Variants in SEPTIN14 observed in about 807,000 individuals in gnomAD.
The protein encoded by SEPTIN14 is septin-14.
SEPTIN14 carries 40 observed loss-of-function variants against 53.6 expected under a neutral mutation model. That is an observed-to-expected ratio of 0.75 (90% CI 0.58 to 0.97). SEPTIN14 has a LOEUF of 0.97. SEPTIN14 is among the 50% of genes least tolerant of loss of function. SEPTIN14 has a pLI of 0.00. For missense variants in SEPTIN14, 471 were observed against 508.2 expected, an observed-to-expected ratio of 0.93 and a Z score of 0.70; for synonymous variants, 138 against 166.8, an observed-to-expected ratio of 0.83 and a Z score of 1.33.
At chr7:55,847,796 CTAA>C (rs1562719176) in intron 2 of SEPTIN14, among the ~76,000 whole-genome samples, 2 of 152,170 alleles carry the variant, frequency 1.3e-5, no homozygotes, top group Non-Finnish European at 2.9e-5. Context: ...AAATCTACTA[CTAA>C]TAACACCATT....
At chr7:55,853,815 T>C (rs888505885) in intron 2 of SEPTIN14, among the ~76,000 whole-genome samples, 3 of 152,092 alleles carry the variant, frequency 2.0e-5, no homozygotes, top group African/African-American at 4.8e-5. Context: ...TATGTACCCA[T>C]AAAAATTAAA....
Position 55,839,162 on chromosome 7 carries a change from C to T in SEPTIN14, c.558+3780G>A, listed in dbSNP as rs370905457. Among the ~76,000 whole-genome samples the T allele has an allele frequency of 4.9e-4, 75 of 151,884 alleles. No homozygotes were observed. The East Asian group carries it at 0.013, about 26-fold the overall frequency. Reference sequence around the variant, plus strand: ...CAGCACTTTGGGAGGCTGAGGCAGGCGGATCACCTGAGGTTAGGAGTTTGA... The same window carrying T: ...CAGCACTTTGGGAGGCTGAGGCAGGTGGATCACCTGAGGTTAGGAGTTTGA... On this transcript the variant is annotated intron_variant, in intron 5 of 9. Transcript: ENST00000388975.
intron 6 of SEPTIN14, among the ~76,000 whole-genome samples, chr7:55,825,998 A>G (rs1562711998): frequency 6.6e-6 from 1 of 151,750 alleles, no homozygotes; most frequent in African/African-American, 2.4e-5. Flanking sequence ...GCTACTCAGG[A>G]GGCTGAGGCA....
In SEPTIN14 at chr7:55,838,132, CAG is replaced by C. The variant is rs139616602; in HGVS notation, c.559-3548_559-3547del. ...TAATTAGAAAAATTAATCAAATGAACAGAGTCTCATATCGATTTTGAGATTTT... is the reference window on the plus strand; with the variant it reads ...TAATTAGAAAAATTAATCAAATGAACAGTCTCATATCGATTTTGAGATTTT... On this transcript the variant is annotated intron_variant, in intron 5 of 9. Coordinates refer to ENST00000388975, the MANE Select transcript of SEPTIN14 (RefSeq NM_207366.3). 5.6e-3 allele frequency among the ~76,000 whole-genome samples: 858 copies of C among 152,246 alleles called. 8 individuals carry two copies. Among genetic ancestry groups the C allele is most frequent in the African/African-American group, 0.019 (796 of 41,554 alleles).
chr7:55,830,126 A>G (rs112888276), intron 6 of SEPTIN14, among the ~76,000 whole-genome samples: 31,909 of 145,838 alleles, frequency 0.22, 4,154 homozygotes, highest in Middle Eastern at 0.3. Flanking sequence ...TGCAGTGAGC[A>G]GAGATCGCAC....
At chr7:55,828,030 A>G (rs1789021540) in intron 6 of SEPTIN14, among the ~76,000 whole-genome samples, 1 of 151,704 alleles carries the variant, frequency 6.6e-6, no homozygotes, top group African/African-American at 2.4e-5. Context: ...ATGAAGAAAA[A>G]AAAAAAAGCA....
intron 6 of SEPTIN14, among the ~76,000 whole-genome samples, chr7:55,820,645 T>C (rs756349986): frequency 4.6e-5 from 7 of 152,128 alleles, no homozygotes; most frequent in Non-Finnish European, 1.0e-4. Flanking sequence ...ACTTTCAAAA[T>C]GTATCATCTT....
intron 2 of SEPTIN14, among the ~76,000 whole-genome samples, chr7:55,848,378 T>C (rs1789453730): frequency 6.6e-6 from 1 of 152,076 alleles, no homozygotes; most frequent in Admixed American, 6.6e-5. Context: ...GCCAGGCTGG[T>C]CTCGAACTCC....
At chr7:55,854,311 T>G (rs1374857776) in intron 2 of SEPTIN14, among the ~76,000 whole-genome samples, 2 of 152,172 alleles carry the variant, frequency 1.3e-5, no homozygotes, top group East Asian at 3.8e-4. Context: ...TGATAAAAAC[T>G]GTATTAGAAA....
chr7:55,844,525 G>A lies in SEPTIN14; in HGVS notation c.369C>T (p.Ala123=). ...VGYGDQIDKE[A]SYQPIVDYID... ...AATTTAAATAAGAAAACACTCACCT[G>A]GCTTCTTTGTCTATTTGATCACCAT... Residue 123 remains alanine (A), a splice_region_variant and synonymous_variant, in exon 4 of 10, where the codon GCC becomes GCT. Transcript: ENST00000388975. 1.4e-6 allele frequency: 2 copies of A among 1,452,586 alleles called. No individual in the cohort carries two copies. Among genetic ancestry groups the A allele is most frequent in the South Asian group, 1.6e-5 (1 of 61,124 alleles). 90.0% of individuals were successfully genotyped at this position (1,452,586 alleles called of 1,614,324 possible).
At chr7:55,857,776 A>T (rs1789669329) in intron 2 of SEPTIN14, among the ~76,000 whole-genome samples, 1 of 150,478 alleles carries the variant, frequency 6.6e-6, no homozygotes, top group African/African-American at 2.5e-5. Flanking sequence ...TTTAGTAGAG[A>T]CGGGGTTTCA....
At position 55,844,697 on chromosome 7, in the gene SEPTIN14, G is replaced by A. The variant is rs1374897187; in HGVS notation, c.197C>T (p.Ser66Leu). 3.1e-6 allele frequency: 5 copies of A among 1,592,916 alleles called. No homozygotes were observed. The highest frequency in any genetic ancestry group is 3.4e-5 in the Admixed American group (2 of 59,546). Reference sequence around the variant, plus strand: ...ATTAAACAATGTGTCTATCAGTGTCGATTTTCCAATTCCAGTCTCCCCTGT... The same window carrying A: ...ATTAAACAATGTGTCTATCAGTGTCAATTTTCCAATTCCAGTCTCCCCTGT... ...LCVGETGIGK[S>L]TLIDTLFNTN... Residue 66 changes from serine to leucine, a missense_variant, in exon 4 of 10, where the codon TCG (serine) becomes TTG (leucine). Physicochemically the swap from Ser to Leu is moderately radical, Grantham distance 145. Transcript: ENST00000388975.
chr7:55,844,201 T>C (rs1789362340), intron 4 of SEPTIN14, among the ~76,000 whole-genome samples: 2 of 152,130 alleles, frequency 1.3e-5, no homozygotes. Context: ...ATGGGAACCC[T>C]TAGACACTGT....
rs779278924 is a variant in SEPTIN14 at position 55,805,337 on chromosome 7, C to T, written c.1040G>A (p.Arg347Lys). 1.0e-5 allele frequency: 16 copies of T among 1,604,728 alleles called. No individual in the cohort carries two copies. In the South Asian group the frequency reaches 1.4e-4, roughly 15 times the overall value. Reference protein sequence around the residue: ...KRQEFYDQCQREEEELKQRFM... With the variant: ...KRQEFYDQCQKEEEELKQRFM... ...TCTCTGTTTCAACTCTTCTTCTTCC[C>T]TCTGACATTGATCATAGAACTCTTG... The change falls in exon 9 of 10, where the codon AGG becomes AAG. Residue 347 changes from arginine (R) to lysine (K), a missense_variant. By Grantham distance (26) the Arg-to-Lys change is conservative (BLOSUM62 2). Transcript: ENST00000388975.
intron 2 of SEPTIN14, among the ~76,000 whole-genome samples, chr7:55,855,331 A>T (rs1473701681): frequency 6.6e-6 from 1 of 151,948 alleles, no homozygotes; most frequent in Non-Finnish European, 1.5e-5. Flanking sequence ...TTAAAAACTC[A>T]TCCTAGTACT....
intron 5 of SEPTIN14, among the ~76,000 whole-genome samples, chr7:55,840,826 G>A (rs1789297225): frequency 6.6e-6 from 1 of 152,030 alleles, no homozygotes; most frequent in Non-Finnish European, 1.5e-5. Context: ...AGTAAATGAT[G>A]GGCCACACAT....
At chr7:55,856,399 GT>G (rs375815044) in intron 2 of SEPTIN14, among the ~76,000 whole-genome samples, 9 of 147,890 alleles carry the variant, frequency 6.1e-5, no homozygotes, top group African/African-American at 1.2e-4. Context: ...CCACTTTTTC[GT>G]TTTTTTTTTG....
chr7:55,803,762 G>A (rs1788561806), intron 9 of SEPTIN14, among the ~76,000 whole-genome samples: 2 of 152,098 alleles, frequency 1.3e-5, no homozygotes, highest in African/African-American at 4.8e-5. Context: ...ACTAAGGGAA[G>A]TGAGGTGGGA....
rs559371374 is a variant in SEPTIN14, at chr7:55,836,733, C to T, written c.559-2147G>A. 4.0e-5 allele frequency among the ~76,000 whole-genome samples: 6 copies of T among 151,474 alleles called. No individual in the cohort carries two copies. The South Asian group carries it at 6.3e-4, about 16-fold the overall frequency. On this transcript the variant is annotated intron_variant, in intron 5 of 9. Coordinates refer to ENST00000388975, the MANE Select transcript of SEPTIN14 (RefSeq NM_207366.3). ...AGCCTGGGCAACAAGAGCGAAACTC[C>T]GTCTCAACAACAACAACAACAACAA...
Sources: allele counts gnomAD v4.1 joint callset (sites outside exome capture counted in the v4.1 genomes callset), GRCh38; gene constraint gnomAD v4.1.1; transcripts MANE v1.5; gene names NCBI Gene and HGNC (gene_info 2026-07-23, HGNC 2026-07-21).